The following PRR14L variants were observed in gnomAD, a reference collection of about 807,000 sequenced individuals.
PRR14L encodes proline rich 14 like.
PRR14L carries 80 observed loss-of-function variants against 155.0 expected under a neutral mutation model. That is an observed-to-expected ratio of 0.52 (90% CI 0.43 to 0.62). The LOEUF (loss-of-function observed/expected upper bound fraction) is 0.62. Ranked by LOEUF, PRR14L falls within the 20% of genes least tolerant of loss-of-function variation. The pLI is 0.00. For synonymous variants in PRR14L, 883 were observed against 916.0 expected (o/e 0.96, Z 0.65); for missense variants, 2,469 against 2,548.0 (o/e 0.97, Z 0.67).
intron 6 of PRR14L, among the ~76,000 whole-genome samples, chr22:31,703,189 A>C (rs1394965467): frequency 6.6e-6 from 1 of 152,226 alleles, no homozygotes; most frequent in African/African-American, 2.4e-5. Flanking sequence ...AGATATTGAG[A>C]CTGTCAACAT....
At position 31,735,521 on chromosome 22, in the gene PRR14L, CATAT is replaced by C. The variant is rs1455543857; in HGVS notation, c.474+2862_474+2865del. ...GTAAGCATGTGTATGTATATGTATG[CATAT>C]ATAAACACATATATACATGTGTGTG... is the stretch of plus-strand genomic sequence containing the variant. On this transcript the variant is annotated intron_variant, in intron 2 of 8. Coordinates refer to ENST00000327423, the MANE Select transcript of PRR14L (RefSeq NM_173566.3). 4.6e-5 allele frequency among the ~76,000 whole-genome samples: 7 copies of C among 150,806 alleles called. No individual in the cohort carries two copies. In the East Asian group the frequency reaches 9.8e-4, roughly 21 times the overall value.
rs774378066 is a variant in PRR14L, at chr22:31,725,279, G to A, written c.547+259C>T. On this transcript the variant is annotated intron_variant, in intron 3 of 8. Transcript: ENST00000327423. ...AAATCAGTCAGGCATGGTGGGTCACGCCTGTAGTCCCAGCTACTTGGGAGG... is the reference window on the plus strand; with the variant it reads ...AAATCAGTCAGGCATGGTGGGTCACACCTGTAGTCCCAGCTACTTGGGAGG... Among the ~76,000 whole-genome samples the A allele has an allele frequency of 8.9e-4, 136 of 152,016 alleles. 1 individual carries two copies. Among genetic ancestry groups the A allele is most frequent in the Non-Finnish European group, 2.6e-4 (18 of 68,006 alleles).
chr22:31,689,511 A>G (rs1452284512), intron 7 of PRR14L, among the ~76,000 whole-genome samples: 3 of 152,246 alleles, frequency 2.0e-5, no homozygotes, highest in East Asian at 3.9e-4. Context: ...AAAATGTACA[A>G]TTCAGTGATT....
chr22:31,739,576 T>C (rs1275009490), intron 1 of PRR14L, among the ~76,000 whole-genome samples: 9 of 152,204 alleles, frequency 5.9e-5, no homozygotes, highest in African/African-American at 1.7e-4. Flanking sequence ...CATCACTCAT[T>C]TGATTCTCTT....
rs115836098 is a variant in PRR14L, at chr22:31,708,477, C to G, written c.5756+3606G>C. Among the ~76,000 whole-genome samples the G allele has an allele frequency of 3.5e-3, 539 of 151,976 alleles. 3 individuals are homozygous for G. The highest frequency in any genetic ancestry group is 0.012 in the African/African-American group (518 of 41,468). ...GAGTAGCTGGGATTACAAGCATGAA[C>G]CACCATACCCAGCTAATTTTCCTGT... On this transcript the variant is annotated intron_variant, in intron 4 of 8. Transcript: ENST00000327423.
chr22:31,728,375 G>A (rs1246946359), intron 2 of PRR14L, among the ~76,000 whole-genome samples: 1 of 152,160 alleles, frequency 6.6e-6, no homozygotes, highest in Non-Finnish European at 1.5e-5. Context: ...CACTTTGGGA[G>A]GCCGAGGAGG....
intron 4 of PRR14L, among the ~76,000 whole-genome samples, chr22:31,708,719 C>A (rs542365410): frequency 2.9e-4 from 44 of 152,088 alleles, no homozygotes; most frequent in Admixed American, 1.4e-3. Flanking sequence ...CGGCTCAGTG[C>A]AACCTCTGCT....
In PRR14L at chr22:31,714,046, T is replaced by C. The variant is rs1332150149; in HGVS notation, c.3793A>G (p.Lys1265Glu). 1 of 1,550,298 alleles carries C rather than the reference T, an allele frequency of 6.5e-7. No homozygotes were observed. The highest frequency in any genetic ancestry group is 8.7e-7 in the Non-Finnish European group (1 of 1,146,732). ...TTTTCACAAAGCATTTCACCATCTT[T>C]TGGTTTACAAAGATTTTTCAGGTCA... ...ETDLKNLCKP[K>E]DGEMLCENVK... Residue 1265 changes from lysine (K) to glutamate (E), a missense_variant, in exon 4 of 9, where the codon AAA becomes GAA. Transcript: ENST00000327423.
chr22:31,692,935 T>C (rs1249356650), intron 7 of PRR14L, among the ~76,000 whole-genome samples: 1 of 152,184 alleles, frequency 6.6e-6, no homozygotes, highest in African/African-American at 2.4e-5. Flanking sequence ...CCACCATGCC[T>C]GGTCATCTTT....
chr22:31,737,010 C>G (rs559700014), intron 2 of PRR14L, among the ~76,000 whole-genome samples: 3 of 124,172 alleles, frequency 2.4e-5, no homozygotes, highest in Non-Finnish European at 4.7e-5. Context: ...TGCACTCCAG[C>G]CTGGGAGACA....
rs1312416201 is a variant in PRR14L at position 31,685,412 on chromosome 22, C to T, written c.*115G>A. 1.6e-5 allele frequency: 14 copies of T among 866,616 alleles called. No homozygotes were observed. The highest frequency in any genetic ancestry group is 7.1e-5 in the African/African-American group (4 of 56,542). 53.7% of individuals were successfully genotyped at this position (866,616 alleles called of 1,614,324 possible). A position where few individuals can be genotyped will look rare whatever the true frequency, so the allele number is the denominator to read the frequency against. On this transcript the variant is annotated 3_prime_UTR_variant, in exon 9 of 9. Transcript: ENST00000327423. ...GACTGTGCATTTTTGAGTGGTTTGG[C>T]GGTAGGGCAAAATTAGGCAACCTTT... is the stretch of plus-strand genomic sequence containing the variant.
chr22:31,723,310 A>C (rs924857476), intron 3 of PRR14L, among the ~76,000 whole-genome samples: 1 of 152,236 alleles, frequency 6.6e-6, no homozygotes, highest in African/African-American at 2.4e-5. Context: ...AGCTGCAGAT[A>C]CTGTTCAGGA....
intron 7 of PRR14L, among the ~76,000 whole-genome samples, chr22:31,690,618 G>A (rs2074506208): frequency 6.6e-6 from 1 of 151,946 alleles, no homozygotes; most frequent in Admixed American, 6.6e-5. Context: ...CCAAGTAGCT[G>A]GGACCTATAG....
chr22:31,735,520 GCATATATAAACA>G (rs1410079428), intron 2 of PRR14L, among the ~76,000 whole-genome samples: 1 of 151,076 alleles, frequency 6.6e-6, no homozygotes, highest in South Asian at 2.1e-4. Flanking sequence ...GTATATGTAT[GCATATATAAACA>G]CATATATACA....
Position 31,716,058 on chromosome 22 carries a change from G to A in PRR14L, c.1781C>T (p.Thr594Ile), listed in dbSNP as rs2074657448. 3 of 1,550,732 alleles carry A rather than the reference G, an allele frequency of 1.9e-6. No individual in the cohort carries two copies. The highest frequency in any genetic ancestry group is 1.7e-6 in the Non-Finnish European group (2 of 1,146,932). ...VSEVLKPKQG[T>I]ALLLPSPEFD... ...TTCTGGGGATGGTAGCAACAGAGCA[G>A]TACCTTGCTTGGGTTTTAATACCTC... is the stretch of plus-strand genomic sequence containing the variant. The change falls in exon 4 of 9, where the codon ACT (threonine) becomes ATT (isoleucine). Residue 594 changes from threonine to isoleucine, a missense_variant. Coordinates refer to ENST00000327423, the MANE Select transcript of PRR14L (RefSeq NM_173566.3).
chr22:31,701,846 G>A, intron 6 of PRR14L, 84 bp from the exon 7 acceptor site: 2 of 1,030,624 alleles, frequency 1.9e-6, no homozygotes, highest in Non-Finnish European at 1.4e-6. Flanking sequence ...CTCACTCTGT[G>A]GCCCAGGCTG....
chr22:31,715,726 G>C lies in PRR14L; in HGVS notation c.2113C>G (p.Gln705Glu). 1 of 1,552,278 alleles carries C rather than the reference G, an allele frequency of 6.4e-7. No individual in the cohort carries two copies. The highest frequency in any genetic ancestry group is 8.7e-7 in the Non-Finnish European group (1 of 1,147,100). ...EGRADVIADI[Q>E]TIPIQTKIKD... is the part of the protein sequence containing the mutation. Reference sequence around the variant, plus strand: ...ATTTTTGTCTGAATGGGAATGGTTTGTATATCAGCAATGACATCTGCTCTA... The same window carrying C: ...ATTTTTGTCTGAATGGGAATGGTTTCTATATCAGCAATGACATCTGCTCTA... The change falls in exon 4 of 9, where the codon CAA becomes GAA. Residue 705 changes from glutamine (Q) to glutamate (E), a missense_variant. Physicochemically the swap from Gln to Glu is conservative, Grantham distance 29. Around this residue, in one of 2 missense-constraint regions of PRR14L, gnomAD observed 2,363 missense variants for 2,371.6 expected, o/e 1.00. Coordinates refer to ENST00000327423, the MANE Select transcript of PRR14L (RefSeq NM_173566.3).
intron 7 of PRR14L, among the ~76,000 whole-genome samples, chr22:31,690,529 G>A (rs1411937953): frequency 6.6e-6 from 1 of 152,130 alleles, no homozygotes; most frequent in Non-Finnish European, 1.5e-5. Flanking sequence ...CTCTTGCCCA[G>A]GTTAAAGTGC....
chr22:31,724,725 T>C (rs555360565), intron 3 of PRR14L, among the ~76,000 whole-genome samples: 105 of 152,288 alleles, frequency 6.9e-4, no homozygotes, highest in African/African-American at 2.3e-3. Flanking sequence ...CCTTGACACA[T>C]AGACCTCTCT....
Sources: gnomAD v4.1 joint callset for allele counts (sites outside exome capture counted in the v4.1 genomes callset) on GRCh38, gnomAD v4.1.1 for gene constraint, gnomAD v4.1.1 regional missense constraint, MANE v1.5 for transcripts, NCBI Gene and HGNC (gene_info 2026-07-23, HGNC 2026-07-21) for gene names.